PARD3B: variants seen among roughly 807,000 people sequenced by gnomAD.
The protein encoded by PARD3B is par-3 family cell polarity regulator beta, also known as partitioning defective 3 homolog B.
A neutral mutation model predicts 130.2 loss-of-function variants in PARD3B; 103 were observed. That is an observed-to-expected ratio of 0.79 (90% confidence interval 0.67 to 0.93). The LOEUF (loss-of-function observed/expected upper bound fraction) is 0.93, where lower values mean the gene tolerates loss of function less well. PARD3B is among the 40% of genes least tolerant of loss of function. PARD3B has a pLI of 0.00. For missense variants in PARD3B, 1,609 were observed against 1,499.2 expected (o/e 1.07, Z -1.21); for synonymous variants, 583 against 553.2 (o/e 1.05, Z -0.76).
In PARD3B at chr2:205,160,566, A is replaced by G. The variant is rs541152755; in HGVS notation, c.1620+1659A>G. Among the ~76,000 whole-genome samples, 3 of 152,364 alleles carry G rather than the reference A, an allele frequency of 2.0e-5. No individual in the cohort carries two copies. The highest frequency in any genetic ancestry group is 1.3e-4 in the Admixed American group (2 of 15,310). On this transcript the variant is annotated intron_variant, in intron 11 of 22. Transcript: ENST00000406610. This position sits in a 1 kb window ranked among gnomAD's most constrained non-coding sequence, Gnocchi z 4.0. ...CACGATGAAGTTATGGCAAAGATGT[A>G]GATACAGAGAAGGGTAAAGAATTGA...
intron 18 of PARD3B, among the ~76,000 whole-genome samples, chr2:205,315,701 T>C (rs1455799318): frequency 6.6e-6 from 1 of 152,214 alleles, no homozygotes; most frequent in South Asian, 2.1e-4. Flanking sequence ...CTTTCCACTC[T>C]AACCAGATTA....
chr2:204,962,372 C>T (rs1320997383), intron 2 of PARD3B, among the ~76,000 whole-genome samples: 1 of 152,094 alleles, frequency 6.6e-6, no homozygotes, highest in Admixed American at 6.6e-5. Flanking sequence ...GGAAGTTCTT[C>T]TGCATGCCAT....
At chr2:205,531,397 G>A (rs1410029964) in intron 21 of PARD3B, among the ~76,000 whole-genome samples, 1 of 152,180 alleles carries the variant, frequency 6.6e-6, no homozygotes, top group African/African-American at 2.4e-5. Context: ...GGTCTAAACA[G>A]TCTAAAGAAG....
At chr2:204,696,388 A>G (rs985423411) in intron 2 of PARD3B, among the ~76,000 whole-genome samples, 5 of 152,086 alleles carry the variant, frequency 3.3e-5, no homozygotes, top group African/African-American at 9.7e-5. Flanking sequence ...GATATTTGCT[A>G]TTGAGCAATT....
At chr2:205,573,067 A>T (rs2053614671) in intron 22 of PARD3B, among the ~76,000 whole-genome samples, 2 of 152,282 alleles carry the variant, frequency 1.3e-5, no homozygotes, top group Middle Eastern at 6.8e-3. Context: ...TTATAAAACC[A>T]TCAGATCTCA....
At position 205,183,728 on chromosome 2, in the gene PARD3B, A is replaced by AG. The variant is rs1342701870; in HGVS notation, c.1925-2035dup. On this transcript the variant is annotated intron_variant, in intron 13 of 22. Coordinates refer to ENST00000406610, the MANE Select transcript of PARD3B (RefSeq NM_001302769.2). This position sits in a 1 kb window ranked among gnomAD's most constrained non-coding sequence, Gnocchi z 5.2. ...AGGGTTCTGCAGAGAAACAGAACCA[A>AG]GTTGTGTGTGTGTGTGTGTGTGTGT... Among the ~76,000 whole-genome samples, 22 of 109,950 alleles carry AG rather than the reference A, an allele frequency of 2.0e-4. No individual in the cohort carries two copies. Among genetic ancestry groups the AG allele is most frequent in the African/African-American group, 7.2e-4 (21 of 29,130 alleles). The allele number at this position is 109,950 out of a possible 152,430, so 72.1% of individuals were successfully genotyped here.
intron 1 of PARD3B, among the ~76,000 whole-genome samples, chr2:204,562,304 C>T (rs1310903106): frequency 6.6e-6 from 1 of 152,102 alleles, no homozygotes; most frequent in African/African-American, 2.4e-5. Context: ...CTCAGAAATC[C>T]TCACAGCGCT....
At chr2:204,833,580 G>A (rs180953138) in intron 2 of PARD3B, among the ~76,000 whole-genome samples, 90 of 152,184 alleles carry the variant, frequency 5.9e-4, no homozygotes, top group African/African-American at 2.0e-3. Context: ...ATGGGTGTGG[G>A]TCTTTCCTGT....
At chr2:205,449,134 C>G (rs1469881448) in intron 20 of PARD3B, among the ~76,000 whole-genome samples, 5 of 146,718 alleles carry the variant, frequency 3.4e-5, no homozygotes, top group Non-Finnish European at 7.5e-5. Context: ...CCATTGCACT[C>G]CAGCCTGGGC....
chr2:205,391,328 A>G (rs116710310), intron 18 of PARD3B, among the ~76,000 whole-genome samples: 2,803 of 152,362 alleles, frequency 0.018, 84 homozygotes, highest in African/African-American at 0.063. Context: ...TGATCTGTTT[A>G]AGGCAGTGTT....
rs111472641 is a variant in PARD3B at position 205,573,779 on chromosome 2, C to T, written c.3260+20376C>T. ...GGAATATCTATAGTTAATAAAACAT[C>T]GATCATTGATATGAATATCAGGAAA... On this transcript the variant is annotated intron_variant, in intron 22 of 22. Coordinates refer to ENST00000406610, the MANE Select transcript of PARD3B (RefSeq NM_001302769.2). 7.1e-4 allele frequency among the ~76,000 whole-genome samples: 108 copies of T among 152,144 alleles called. 1 individual carries two copies. The highest frequency in any genetic ancestry group is 2.5e-3 in the African/African-American group (105 of 41,512).
intron 22 of PARD3B, among the ~76,000 whole-genome samples, chr2:205,610,292 G>A (rs552736590): frequency 2.0e-5 from 3 of 152,140 alleles, no homozygotes; most frequent in Non-Finnish European, 4.4e-5. Context: ...TACCACACTT[G>A]TAACTATGGT....
At chr2:205,368,017 C>T (rs2044672619) in intron 18 of PARD3B, among the ~76,000 whole-genome samples, 1 of 152,164 alleles carries the variant, frequency 6.6e-6, no homozygotes, top group Non-Finnish European at 1.5e-5. Context: ...GGGGAAGCAA[C>T]CTAAATGTTC....
rs2041948541 is a variant in PARD3B at position 205,300,284 on chromosome 2, T to C, written c.2186-246T>C. ...ACACACATGCATATACACTTCTGCA[T>C]AGAGAGAAATGTACCTATAGTCATA... is the stretch of plus-strand genomic sequence containing the variant. On this transcript the variant is annotated intron_variant, in intron 16 of 22. Coordinates refer to ENST00000406610, the MANE Select transcript of PARD3B (RefSeq NM_001302769.2). The surrounding 1 kb of genome is among the most constrained non-coding windows in gnomAD (Gnocchi z 4.1). Among the ~76,000 whole-genome samples the C allele has an allele frequency of 6.6e-6, 1 of 152,158 alleles. No homozygotes were observed. Among genetic ancestry groups the C allele is most frequent in the African/African-American group, 2.4e-5 (1 of 41,430 alleles).
At chr2:204,568,162 G>A (rs1451470549) in intron 1 of PARD3B, among the ~76,000 whole-genome samples, 1 of 152,182 alleles carries the variant, frequency 6.6e-6, no homozygotes, top group Non-Finnish European at 1.5e-5. Flanking sequence ...CTAGGGGTTT[G>A]TAGACCATAC....
At chr2:205,072,729 A>G (rs1465789462) in intron 4 of PARD3B, among the ~76,000 whole-genome samples, 2 of 152,182 alleles carry the variant, frequency 1.3e-5, no homozygotes, top group Non-Finnish European at 2.9e-5. Flanking sequence ...CTGTAACTGC[A>G]TTCATTTACT....
At chr2:205,022,312 G>A (rs1510778) in intron 3 of PARD3B, among the ~76,000 whole-genome samples, 96,053 of 151,928 alleles carry the variant, frequency 0.63, 30,656 homozygotes, top group East Asian at 0.88. Context: ...GGAATTTGCC[G>A]GCCAACACTG....
chr2:204,981,020 G>A (rs1692621261), intron 3 of PARD3B, among the ~76,000 whole-genome samples: 1 of 152,148 alleles, frequency 6.6e-6, no homozygotes, highest in Non-Finnish European at 1.5e-5. Context: ...ATCTTTGCAA[G>A]TTATAAATTA....
intron 16 of PARD3B, among the ~76,000 whole-genome samples, chr2:205,254,182 A>C (rs566225512): frequency 6.6e-6 from 1 of 151,342 alleles, no homozygotes; most frequent in African/African-American, 2.4e-5. Context: ...CTTTCATTTT[A>C]AACATCTTTG....
Sources: gnomAD v4.1 joint callset for allele counts (sites outside exome capture counted in the v4.1 genomes callset) on GRCh38, gnomAD v4.1.1 for gene constraint, Gnocchi (gnomAD v3.1) non-coding constraint, MANE v1.5 for transcripts, NCBI Gene and HGNC (gene_info 2026-07-23, HGNC 2026-07-21) for gene names.